GPC5: variants seen among roughly 807,000 people sequenced by gnomAD.
The protein encoded by GPC5 is glypican 5, also known as glypican-5.
Under a neutral mutation model 53.9 loss-of-function variants are expected in GPC5, and 47 were observed. The observed-to-expected ratio is 0.87, with a 90% CI of 0.69 to 1.11. GPC5 has a LOEUF of 1.11. Ranked by LOEUF, GPC5 falls within the 50% of genes most tolerant of loss-of-function variation. The pLI, the probability that GPC5 is intolerant of heterozygous loss-of-function variation, is 0.00. For synonymous variants in GPC5, 286 were observed against 263.3 expected, an observed-to-expected ratio of 1.09 and a Z score of -0.84; for missense variants, 748 against 713.1, an observed-to-expected ratio of 1.05 and a Z score of -0.56.
intron 6 of GPC5, among the ~76,000 whole-genome samples, chr13:92,034,481 A>G (rs1037204931): frequency 6.6e-6 from 1 of 152,096 alleles, no homozygotes; most frequent in African/African-American, 2.4e-5. Context: ...CTGGGCAACA[A>G]GAGTGAAACT....
At chr13:92,503,479 A>T (rs899039405) in intron 7 of GPC5, among the ~76,000 whole-genome samples, 2 of 151,638 alleles carry the variant, frequency 1.3e-5, no homozygotes, top group Non-Finnish European at 3.0e-5. Flanking sequence ...ATTATCTAAG[A>T]TTCCATCTAG....
chr13:92,538,034 C>A (rs531740633), intron 7 of GPC5, among the ~76,000 whole-genome samples: 9 of 151,988 alleles, frequency 5.9e-5, no homozygotes, highest in Non-Finnish European at 8.8e-5. Context: ...TAATACATTT[C>A]TTTAAAATTA....
At chr13:92,553,345 T>C (rs1056977805) in intron 7 of GPC5, among the ~76,000 whole-genome samples, 1 of 151,968 alleles carries the variant, frequency 6.6e-6, no homozygotes, top group Non-Finnish European at 1.5e-5. Context: ...ATTACTTTAG[T>C]CCTCATAATT....
intron 7 of GPC5, among the ~76,000 whole-genome samples, chr13:92,468,596 A>T (rs2139419010): frequency 6.6e-6 from 1 of 152,250 alleles, no homozygotes; most frequent in Admixed American, 6.6e-5. Flanking sequence ...TTACATAAGC[A>T]AAATATTCCA....
In GPC5 at chr13:92,210,701, T is replaced by C. The variant is rs886890736; in HGVS notation, c.1561+65712T>C. Among the ~76,000 whole-genome samples, 20 of 152,190 alleles carry C rather than the reference T, an allele frequency of 1.3e-4. 1 individual carries two copies. Among genetic ancestry groups the C allele is most frequent in the Admixed American group, 3.9e-4 (6 of 15,272 alleles). On this transcript the variant is annotated intron_variant, in intron 7 of 7. Transcript: ENST00000377067. ...AAATCTGTAGAATATAAATCATATA[T>C]AAAACAAAGTATTCAGACTATGTAT...
chr13:92,627,290 C>T (rs1315217482), intron 7 of GPC5, among the ~76,000 whole-genome samples: 1 of 152,158 alleles, frequency 6.6e-6, no homozygotes, highest in African/African-American at 2.4e-5. Flanking sequence ...ATGAAGAGAG[C>T]ATGGCATTAT....
At chr13:92,486,799 T>A (rs968881818) in intron 7 of GPC5, among the ~76,000 whole-genome samples, 1 of 152,208 alleles carries the variant, frequency 6.6e-6, no homozygotes, top group Admixed American at 6.5e-5. Context: ...ATCAGCCACA[T>A]TTCATGTGAT....
chr13:91,903,201 A>G (rs1451652029), intron 5 of GPC5, among the ~76,000 whole-genome samples: 2 of 152,094 alleles, frequency 1.3e-5, no homozygotes, highest in South Asian at 2.1e-4. Context: ...TATGTTCTGT[A>G]TCTTGCTTCT....
chr13:92,285,636 G>A (rs1432188408), intron 7 of GPC5, among the ~76,000 whole-genome samples: 2 of 152,142 alleles, frequency 1.3e-5, no homozygotes, highest in East Asian at 3.8e-4. Flanking sequence ...AACAAGCAAT[G>A]GGGAAAGGAT....
intron 2 of GPC5, among the ~76,000 whole-genome samples, chr13:91,470,451 G>A (rs1345953232): frequency 6.6e-6 from 1 of 152,176 alleles, no homozygotes; most frequent in Non-Finnish European, 1.5e-5. Context: ...TTGGAAGTGG[G>A]AAGCGAGATG....
intron 2 of GPC5, among the ~76,000 whole-genome samples, chr13:91,570,746 C>T (rs530769865): frequency 3.3e-5 from 5 of 152,166 alleles, no homozygotes; most frequent in South Asian, 2.1e-4. Context: ...TTAGAGCCAT[C>T]GGTGATTTCC....
intron 7 of GPC5, among the ~76,000 whole-genome samples, chr13:92,294,606 A>G (rs531288157): frequency 1.5e-4 from 22 of 151,722 alleles, no homozygotes; most frequent in African/African-American, 5.1e-4. Context: ...TTCTTGGTTA[A>G]TCTTGTTAAT....
At chr13:91,712,366 GTA>G (rs955073902) in intron 3 of GPC5, among the ~76,000 whole-genome samples, 6 of 150,652 alleles carry the variant, frequency 4.0e-5, no homozygotes, top group East Asian at 1.9e-4. Flanking sequence ...ATATATGTGT[GTA>G]TATATATGTG....
chr13:91,905,611 T>C (rs546993991), intron 5 of GPC5, among the ~76,000 whole-genome samples: 1 of 152,226 alleles, frequency 6.6e-6, no homozygotes, highest in African/African-American at 2.4e-5. Flanking sequence ...TTCTTAAAAC[T>C]GGTCACTGGA....
chr13:91,838,341 C>T (rs2038745532), intron 5 of GPC5, among the ~76,000 whole-genome samples: 1 of 152,082 alleles, frequency 6.6e-6, no homozygotes, highest in Admixed American at 6.6e-5. Context: ...CAGGCCCTTA[C>T]TCAGGCTCTT....
chr13:92,435,087 G>A (rs1877248250), intron 7 of GPC5, among the ~76,000 whole-genome samples: 1 of 152,014 alleles, frequency 6.6e-6, no homozygotes, highest in South Asian at 2.1e-4. Context: ...GCTAATTTTT[G>A]TATTTTTAGT....
intron 7 of GPC5, among the ~76,000 whole-genome samples, chr13:92,265,080 C>T (rs955359350): frequency 2.0e-5 from 3 of 152,008 alleles, no homozygotes; most frequent in African/African-American, 7.2e-5. Flanking sequence ...TTTGAAATGC[C>T]TTTGGTGTCA....
At chr13:92,567,781 C>T (rs990222074) in intron 7 of GPC5, among the ~76,000 whole-genome samples, 2 of 152,082 alleles carry the variant, frequency 1.3e-5, no homozygotes, top group African/African-American at 4.8e-5. Flanking sequence ...TCCAGTGAGA[C>T]TTGTGTTGGC....
intron 2 of GPC5, among the ~76,000 whole-genome samples, chr13:91,508,791 CTA>C (rs566204072): frequency 1.4e-4 from 21 of 152,286 alleles, no homozygotes; most frequent in African/African-American, 3.8e-4. Flanking sequence ...GTAAAAAACT[CTA>C]TGTCAATGTG....
Sources: gnomAD v4.1 joint callset for allele counts (sites outside exome capture counted in the v4.1 genomes callset) on GRCh38, gnomAD v4.1.1 for gene constraint, MANE v1.5 for transcripts, NCBI Gene and HGNC (gene_info 2026-07-23, HGNC 2026-07-21) for gene names.